DENND5B: variants seen among roughly 807,000 people sequenced by gnomAD.
The protein encoded by DENND5B is DENN domain-containing protein 5B.
Under a neutral mutation model 140.6 loss-of-function variants are expected in DENND5B, and 34 were observed. The observed-to-expected ratio is 0.24, with a 90% CI of 0.18 to 0.32. DENND5B has a LOEUF of 0.32. DENND5B is among the 10% of genes least tolerant of loss of function. The pLI is 1.00. For missense variants in DENND5B, 1,142 were observed against 1,560.2 expected, an observed-to-expected ratio of 0.73 and a Z score of 4.52; for synonymous variants, 551 against 562.1, an observed-to-expected ratio of 0.98 and a Z score of 0.28.
At chr12:31,452,794 G>A (rs1293237910) in intron 4 of DENND5B, among the ~76,000 whole-genome samples, 6 of 151,928 alleles carry the variant, frequency 3.9e-5, no homozygotes, top group Admixed American at 3.9e-4. Context: ...TTTTCCCTAT[G>A]TGAGTTTTTT....
chr12:31,557,393 T>C (rs1359599874), intron 1 of DENND5B, among the ~76,000 whole-genome samples: 3 of 152,140 alleles, frequency 2.0e-5, no homozygotes, highest in Admixed American at 2.0e-4. Context: ...TTCTTTTTTC[T>C]TTTAAGACAG....
At chr12:31,461,380 GTTTT>G (rs1945013575) in intron 3 of DENND5B, among the ~76,000 whole-genome samples, 1 of 152,086 alleles carries the variant, frequency 6.6e-6, no homozygotes, top group African/African-American at 2.4e-5. Flanking sequence ...TTTTTGTTAT[GTTTT>G]ATTTACATGA....
chr12:31,546,539 T>C (rs1948867224), intron 1 of DENND5B, among the ~76,000 whole-genome samples: 1 of 151,986 alleles, frequency 6.6e-6, no homozygotes, highest in South Asian at 2.1e-4. Context: ...ATACAAAAAT[T>C]AGCCAGGCAT....
intron 1 of DENND5B, among the ~76,000 whole-genome samples, chr12:31,536,305 C>G (rs1177245936): frequency 1.3e-5 from 2 of 151,994 alleles, no homozygotes; most frequent in Non-Finnish European, 2.9e-5. Context: ...TTTGAGAAAA[C>G]TCAACAAAAT....
intron 1 of DENND5B, among the ~76,000 whole-genome samples, chr12:31,516,983 CAG>C (rs1947681163): frequency 6.7e-6 from 1 of 149,916 alleles, no homozygotes; most frequent in South Asian, 2.1e-4. Flanking sequence ...AGAAGTAAAA[CAG>C]AAATAATTAA....
chr12:31,492,389 G>C (rs1405397781), intron 2 of DENND5B, among the ~76,000 whole-genome samples: 1 of 152,138 alleles, frequency 6.6e-6, no homozygotes. Flanking sequence ...TGTTCCAAAT[G>C]ACTGTGGATT....
chr12:31,427,046 T>C (rs1943270722), intron 8 of DENND5B, among the ~76,000 whole-genome samples: 1 of 152,144 alleles, frequency 6.6e-6, no homozygotes, highest in African/African-American at 2.4e-5. Flanking sequence ...CAAAAGGCTA[T>C]AGGATCACTC....
At position 31,537,807 on chromosome 12, in the gene DENND5B, T is replaced by C. The variant is rs117874034; in HGVS notation, c.128-41888A>G. Among the ~76,000 whole-genome samples the C allele has an allele frequency of 1.4e-3, 210 of 151,952 alleles. 2 individuals carry two copies. The highest frequency in any genetic ancestry group is 2.6e-3 in the Non-Finnish European group (175 of 67,932). On this transcript the variant is annotated intron_variant, in intron 1 of 20. Coordinates refer to ENST00000389082, the MANE Select transcript of DENND5B (RefSeq NM_144973.4). Reference sequence around the variant, plus strand: ...GATGGAAAAACACATTCCATGACAATGGAAATCAAAAAAGACTAGGAGTAG... The same window carrying C: ...GATGGAAAAACACATTCCATGACAACGGAAATCAAAAAAGACTAGGAGTAG...
chr12:31,414,726 G>A lies in DENND5B; in HGVS notation c.2552+641C>T, dbSNP rs1452180258. ...GGCAGGTGGATCATGAGGTCAGATCGAGACCATCCTGGCTAACATGGTAAA... is the reference window on the plus strand; with the variant it reads ...GGCAGGTGGATCATGAGGTCAGATCAAGACCATCCTGGCTAACATGGTAAA... On this transcript the variant is annotated intron_variant, in intron 12 of 20. Transcript: ENST00000389082. Among the ~76,000 whole-genome samples the A allele has an allele frequency of 2.6e-5, 4 of 151,904 alleles. No individual in the cohort carries two copies. In the South Asian group the frequency reaches 6.2e-4, roughly 24 times the overall value.
intron 14 of DENND5B, among the ~76,000 whole-genome samples, chr12:31,406,546 T>C (rs898706188): frequency 4.6e-5 from 7 of 152,134 alleles, no homozygotes; most frequent in African/African-American, 1.7e-4. Flanking sequence ...TAAGACTTTA[T>C]TTTAGGTGCC....
intron 11 of DENND5B, among the ~76,000 whole-genome samples, chr12:31,418,130 C>T (rs942908879): frequency 6.6e-6 from 1 of 152,076 alleles, no homozygotes; most frequent in African/African-American, 2.4e-5. Flanking sequence ...ATAAATAGGA[C>T]ATTTGTTGTG....
chr12:31,553,947 C>T (rs1039147846), intron 1 of DENND5B, among the ~76,000 whole-genome samples: 2 of 152,116 alleles, frequency 1.3e-5, no homozygotes, highest in African/African-American at 4.8e-5. Flanking sequence ...TATTTTGAGC[C>T]TATGTATGTC....
rs1491109183 is a variant in DENND5B, at chr12:31,399,127, C to CAAA, written c.3068+524_3068+526dup. Among the ~76,000 whole-genome samples the CAAA allele has an allele frequency of 3.6e-3, 50 of 13,780 alleles. 3 individuals carry two copies. Among genetic ancestry groups the CAAA allele is most frequent in the Middle Eastern group, 0.062 (1 of 16 alleles). 9.0% of individuals were successfully genotyped at this position (13,780 alleles called of 152,430 possible). On this transcript the variant is annotated intron_variant, in intron 16 of 20. Coordinates refer to ENST00000389082, the MANE Select transcript of DENND5B (RefSeq NM_144973.4). ...ACAAGAGTGAAACTCTGTCTCAGCC[C>CAAA]AAAAAAAAAAAAAAAAAAGAGAGAG... is the stretch of plus-strand genomic sequence containing the variant.
intron 7 of DENND5B, among the ~76,000 whole-genome samples, chr12:31,438,081 T>C (rs536839592): frequency 2.8e-4 from 42 of 152,310 alleles, no homozygotes; most frequent in Middle Eastern, 3.4e-3. Flanking sequence ...GCTCAAGTGA[T>C]TCTCCTGCCT....
chr12:31,410,662 C>T (rs1942397816), intron 13 of DENND5B, among the ~76,000 whole-genome samples: 1 of 152,160 alleles, frequency 6.6e-6, no homozygotes, highest in East Asian at 1.9e-4. Flanking sequence ...ACTTTGGCCT[C>T]TCAAAGTGCT....
At chr12:31,443,356 T>C (rs1376632622) in intron 6 of DENND5B, among the ~76,000 whole-genome samples, 2 of 152,322 alleles carry the variant, frequency 1.3e-5, no homozygotes, top group Non-Finnish European at 2.9e-5. Flanking sequence ...ATTATAAGCG[T>C]GAGCCACCAC....
At chr12:31,424,429 G>T in intron 10 of DENND5B, 106 bp downstream of exon 10, 3 of 1,355,322 alleles carry the variant, frequency 2.2e-6, no homozygotes, top group Non-Finnish European at 2.9e-6. Context: ...TAGTCCCCTT[G>T]TGACAAAAGA....
At chr12:31,570,158 T>C (rs1949768183) in intron 1 of DENND5B, among the ~76,000 whole-genome samples, 2 of 150,254 alleles carry the variant, frequency 1.3e-5, no homozygotes, top group South Asian at 4.2e-4. Flanking sequence ...TCGCCAACAC[T>C]GCACTCCAGC....
At chr12:31,586,912 C>G (rs1015458434) in intron 1 of DENND5B, among the ~76,000 whole-genome samples, 2 of 152,240 alleles carry the variant, frequency 1.3e-5, no homozygotes, top group East Asian at 1.9e-4. Flanking sequence ...AAACTACCTT[C>G]TGGCTAATTT....
Sources: gnomAD v4.1 joint callset for allele counts (sites outside exome capture counted in the v4.1 genomes callset) on GRCh38, gnomAD v4.1.1 for gene constraint, MANE v1.5 for transcripts, NCBI Gene and HGNC (gene_info 2026-07-23, HGNC 2026-07-21) for gene names.